DNAH8: variants seen among roughly 807,000 people sequenced by gnomAD.
The protein encoded by DNAH8 is dynein axonemal heavy chain 8.
In DNAH8, 382 loss-of-function variants were observed where a neutral mutation model predicts 562.1. The ratio of observed to expected loss-of-function variants is 0.68; its 90% confidence interval spans 0.63 to 0.74. The LOEUF (loss-of-function observed/expected upper bound fraction) is 0.74, where lower values mean the gene tolerates loss of function less well. Among genes scored for constraint, DNAH8 ranks in the 30% least tolerant of loss-of-function variants. The pLI is 0.00. For synonymous variants in DNAH8, 1,881 were observed against 1,919.4 expected (o/e 0.98, Z 0.52); for missense variants, 5,203 against 5,620.4 (o/e 0.93, Z 2.37).
At position 38,939,053 on chromosome 6, in the gene DNAH8, A is replaced by G. The variant is rs1783220252; in HGVS notation, c.12007+65A>G. 1.0e-5 allele frequency: 13 copies of G among 1,272,582 alleles called. No individual in the cohort carries two copies. In the South Asian group the frequency reaches 2.1e-4, roughly 21 times the overall value. The allele number at this position is 1,272,582 out of a possible 1,614,324, so 78.8% of individuals were successfully genotyped here. A position where few individuals can be genotyped will look rare whatever the true frequency, so the allele number is the denominator to read the frequency against. On this transcript the variant is annotated intron_variant, in intron 79 of 92. Coordinates refer to ENST00000327475, the MANE Select transcript of DNAH8 (RefSeq NM_001206927.2). Reference sequence around the variant, plus strand: ...TTGCTTTTGATATGCTCTTTGATATACCATAAACCCATTTCTGTGATACAG... The same window carrying G: ...TTGCTTTTGATATGCTCTTTGATATGCCATAAACCCATTTCTGTGATACAG...
At chr6:38,857,783 A>G (rs187687065) in intron 42 of DNAH8, 41 bp downstream of exon 42, 54 of 1,266,826 alleles carry the variant, frequency 4.3e-5, no homozygotes, top group South Asian at 3.8e-4. Flanking sequence ...CTAACTAATA[A>G]TGAACAGCTA....
chr6:39,011,517 A>G (rs182281540), intron 89 of DNAH8, among the ~76,000 whole-genome samples: 30 of 152,216 alleles, frequency 2.0e-4, no homozygotes, highest in Non-Finnish European at 3.4e-4. Context: ...ATATGTCACC[A>G]AATTGAAATG....
intron 49 of DNAH8, among the ~76,000 whole-genome samples, chr6:38,871,898 TGGA>T (rs896479542): frequency 6.6e-6 from 1 of 152,184 alleles, no homozygotes; most frequent in Middle Eastern, 3.2e-3. Flanking sequence ...TGGTTCCAGG[TGGA>T]GCAATCTTTG....
In DNAH8 at chr6:38,923,102, C is replaced by T. The variant is rs201956190; in HGVS notation, c.10707C>T (p.Ala3569=). ...DADTCRKKMQ[A]ASTLIDGLSG... is the part of the protein sequence containing the mutation. ...ATACGTGCCGGAAAAAGATGCAGGC[C>T]GCCTCCACTCTCATCGATGGGCTGA... Residue 3569 remains alanine, a synonymous_variant, in exon 72 of 93, where the codon GCC becomes GCT. Transcript: ENST00000327475. 44 of 1,613,606 alleles carry T rather than the reference C, an allele frequency of 2.7e-5. No individual in the cohort carries two copies. The highest frequency in any genetic ancestry group is 4.5e-5 in the East Asian group (2 of 44,818).
At chr6:38,999,620 T>C (rs1013693589) in intron 88 of DNAH8, among the ~76,000 whole-genome samples, 34 of 152,002 alleles carry the variant, frequency 2.2e-4, no homozygotes, top group African/African-American at 8.0e-4. Context: ...TTGCAACCCA[T>C]TCCTGAATTT....
chr6:38,873,499 G>A, intron 52 of DNAH8, 123 bp downstream of exon 52: 2 of 808,278 alleles, frequency 2.5e-6, no homozygotes, highest in Non-Finnish European at 3.7e-6. Context: ...TGATGTGGCT[G>A]TAAAAGCTCT....
At position 38,770,436 on chromosome 6, in the gene DNAH8, A is replaced by G; in HGVS notation, c.1641A>G (p.Glu547=). Residue 547 remains glutamate, a synonymous_variant, in exon 12 of 93, where the codon GAA becomes GAG. Coordinates refer to ENST00000327475, the MANE Select transcript of DNAH8 (RefSeq NM_001206927.2). The part of the protein sequence containing the change: ...KIQDCIFLFK[E]YQASFHKTRK... ...AGGACTGCATTTTTCTATTCAAGGA[A>G]TATCAGGCATCTTTTCATAAAACAA... 1 of 1,595,212 alleles carries G rather than the reference A, an allele frequency of 6.3e-7. No homozygotes were observed. Among genetic ancestry groups the G allele is most frequent in the Non-Finnish European group, 8.6e-7 (1 of 1,168,640 alleles).
At chr6:39,020,543 T>A (rs1253459368) in intron 91 of DNAH8, among the ~76,000 whole-genome samples, 1 of 152,208 alleles carries the variant, frequency 6.6e-6, no homozygotes, top group Non-Finnish European at 1.5e-5. Flanking sequence ...TACTTTAAGT[T>A]CCGGGATACA....
intron 41 of DNAH8, among the ~76,000 whole-genome samples, chr6:38,855,364 C>T (rs1218108713): frequency 6.6e-6 from 1 of 152,070 alleles, no homozygotes; most frequent in Non-Finnish European, 1.5e-5. Context: ...TATTCCGAAA[C>T]TTAAATAAAA....
intron 21 of DNAH8, among the ~76,000 whole-genome samples, chr6:38,794,902 G>A (rs1005907917): frequency 1.3e-5 from 2 of 151,872 alleles, no homozygotes; most frequent in Non-Finnish European, 2.9e-5. Flanking sequence ...TAATTTGGTG[G>A]ATATATACCC....
chr6:39,028,800 G>A (rs1767468749), intron 92 of DNAH8, among the ~76,000 whole-genome samples: 1 of 152,148 alleles, frequency 6.6e-6, no homozygotes, highest in Non-Finnish European at 1.5e-5. Context: ...GTTAATGATG[G>A]TAACCATATG....
At chr6:38,939,457 C>T (rs75391839) in intron 79 of DNAH8, among the ~76,000 whole-genome samples, 13,995 of 152,208 alleles carry the variant, frequency 0.092, 842 homozygotes, top group East Asian at 0.28. Flanking sequence ...TTTAGTTACA[C>T]GAGTATTTAC....
chr6:38,943,887 C>G (rs1783645896), intron 79 of DNAH8, among the ~76,000 whole-genome samples: 1 of 152,136 alleles, frequency 6.6e-6, no homozygotes, highest in South Asian at 2.1e-4. Context: ...CTGGTAGATT[C>G]TATCAGACAT....
intron 92 of DNAH8, among the ~76,000 whole-genome samples, chr6:39,028,709 C>T (rs1767462596): frequency 1.3e-5 from 2 of 152,336 alleles, no homozygotes; most frequent in South Asian, 2.1e-4. Context: ...AGGCTGAAAG[C>T]ACCCTGGAGA....
intron 12 of DNAH8, among the ~76,000 whole-genome samples, chr6:38,774,252 C>A (rs888293830): frequency 1.3e-5 from 2 of 151,982 alleles, no homozygotes; most frequent in African/African-American, 2.4e-5. Flanking sequence ...GCTGGTATTG[C>A]TGGGGGAGAT....
intron 82 of DNAH8, among the ~76,000 whole-genome samples, chr6:38,956,483 C>T (rs1561912363): frequency 6.6e-6 from 1 of 152,154 alleles, no homozygotes. Flanking sequence ...ATGAGGTGGG[C>T]TTGCCAGCTC....
rs190572260 is a variant in DNAH8 at position 38,917,788 on chromosome 6, C to T, written c.10309-137C>T. ...GTGATTTACAGATTTAGGTTGGCTACTGCCAATAGTCTCAATTTGTGTATT... is the reference window on the plus strand; with the variant it reads ...GTGATTTACAGATTTAGGTTGGCTATTGCCAATAGTCTCAATTTGTGTATT... On this transcript the variant is annotated intron_variant, in intron 69 of 92. Transcript: ENST00000327475. 1.7e-4 allele frequency: 108 copies of T among 632,248 alleles called. 1 individual carries two copies. The Admixed American group carries it at 2.1e-3, about 12-fold the overall frequency. The allele number at this position is 632,248 out of a possible 1,614,324, so 39.2% of individuals were successfully genotyped here.
chr6:38,838,555 T>C (rs1583149294), intron 33 of DNAH8, among the ~76,000 whole-genome samples: 2 of 152,222 alleles, frequency 1.3e-5, no homozygotes, highest in South Asian at 4.2e-4. Flanking sequence ...CCTACCACCA[T>C]GGCCGGCTAA....
chr6:38,726,936 T>TA (rs1438019044), intron 3 of DNAH8, among the ~76,000 whole-genome samples: 4 of 144,234 alleles, frequency 2.8e-5, no homozygotes, highest in Admixed American at 7.3e-5. Flanking sequence ...CAGCTCACTG[T>TA]AATCTCCACC....
Sources: allele counts gnomAD v4.1 joint callset (sites outside exome capture counted in the v4.1 genomes callset), GRCh38; gene constraint gnomAD v4.1.1; transcripts MANE v1.5; gene names NCBI Gene and HGNC (gene_info 2026-07-23, HGNC 2026-07-21).